MYH9: variants seen among roughly 807,000 people sequenced by gnomAD.
MYH9 encodes the protein myosin heavy chain 9.
A neutral mutation model predicts 241.9 loss-of-function variants in MYH9; 29 were observed. That is an observed-to-expected ratio of 0.12 (90% CI 0.09 to 0.16). MYH9 has a LOEUF of 0.16. Ranked by LOEUF, MYH9 falls within the 10% of genes least tolerant of loss-of-function variation. The pLI is 1.00. For synonymous variants in MYH9, 1,047 were observed against 1,062.6 expected, an observed-to-expected ratio of 0.99 and a Z score of 0.29; for missense variants, 1,803 against 2,595.5, an observed-to-expected ratio of 0.69 and a Z score of 6.63.
chr22:36,296,421 G>A (rs1353556823), intron 25 of MYH9, among the ~76,000 whole-genome samples: 1 of 151,954 alleles, frequency 6.6e-6, no homozygotes, highest in African/African-American at 2.4e-5. Context: ...TTTTGGTAGG[G>A]ATGGGGGTTT....
At chr22:36,337,366 C>T (rs1048834514) in intron 3 of MYH9, among the ~76,000 whole-genome samples, 1 of 152,158 alleles carries the variant, frequency 6.6e-6, no homozygotes, top group Admixed American at 6.6e-5. Flanking sequence ...CTTAGTCTGA[C>T]AATAGGTGAG....
At chr22:36,366,896 T>C (rs927303410) in intron 1 of MYH9, among the ~76,000 whole-genome samples, 19 of 152,150 alleles carry the variant, frequency 1.2e-4, no homozygotes, top group African/African-American at 4.6e-4. Flanking sequence ...ATCCTGATCC[T>C]AACGGCCCCC....
chr22:36,288,367 G>A lies in MYH9; in HGVS notation c.4817C>T (p.Ser1606Leu), dbSNP rs145319741. ...CTTCTTCCGGGCGGCCACTGCCATC[G>A]AGCGCTGCTTCCTCTCGTCCTCCAG... ...AELEDERKQRSMAVAARKKLE... is the reference protein window; with the variant it reads ...AELEDERKQRLMAVAARKKLE... Residue 1606 changes from serine to leucine, a missense_variant, in exon 34 of 41, where the codon TCG becomes TTG. By Grantham distance (145) the Ser-to-Leu change is moderately radical. Around this residue, in one of 11 missense-constraint regions of MYH9, gnomAD observed 876 missense variants for 1,077.8 expected, o/e 0.81. Coordinates refer to ENST00000216181, the MANE Select transcript of MYH9 (RefSeq NM_002473.6). This position sits in a 1 kb window ranked among gnomAD's most constrained non-coding sequence, Gnocchi z 4.8. 3.1e-5 allele frequency: 50 copies of A among 1,613,440 alleles called. No homozygotes were observed. Among genetic ancestry groups the A allele is most frequent in the African/African-American group, 2.3e-4 (17 of 74,920 alleles).
At chr22:36,312,629 A>C (rs1298859821) in intron 13 of MYH9, among the ~76,000 whole-genome samples, 2 of 152,162 alleles carry the variant, frequency 1.3e-5, no homozygotes, top group Non-Finnish European at 2.9e-5. Flanking sequence ...GTCTATGATG[A>C]GATGGGATAT....
chr22:36,321,896 G>GC, intron 6 of MYH9, 75 bp from the exon 7 acceptor site: 5 of 1,273,826 alleles, frequency 3.9e-6, no homozygotes, highest in Non-Finnish European at 4.6e-6. Context: ...GGAGACCACA[G>GC]CCCCCCGCCC....
intron 14 of MYH9, among the ~76,000 whole-genome samples, chr22:36,311,172 G>A (rs1282041798): frequency 6.6e-6 from 1 of 152,202 alleles, no homozygotes; most frequent in East Asian, 1.9e-4. Flanking sequence ...TGTGCAGGAA[G>A]CACACGATAT....
At chr22:36,309,216 T>C in intron 15 of MYH9, 66 bp downstream of exon 15, 1 of 1,359,604 alleles carries the variant, frequency 7.4e-7, no homozygotes. Context: ...CTCGGCCCAC[T>C]GTGGAGGTGG....
rs201021615 is a variant in MYH9, at chr22:36,285,744, G to A, written c.5188C>T (p.Arg1730Cys). 116 of 1,611,792 alleles carry A rather than the reference G, an allele frequency of 7.2e-5. 1 individual carries two copies. The East Asian group carries it at 1.2e-3, about 17-fold the overall frequency. ...ALEEKRRLEA[R>C]IAQLEEELEE... ...AGCTCCTCCTCCAGCTGGGCGATGC[G>A]GGCCTCCAGACGCCGCTTCTCCTCT... Residue 1730 changes from arginine (R) to cysteine (C), a missense_variant, in exon 37 of 41, where the codon CGC becomes TGC. By Grantham distance (180) the Arg-to-Cys change is radical (BLOSUM62 -3). Coordinates refer to ENST00000216181, the MANE Select transcript of MYH9 (RefSeq NM_002473.6). The surrounding 1 kb of genome is among the most constrained non-coding windows in gnomAD (Gnocchi z 7.0).
chr22:36,320,192 C>T lies in MYH9; in HGVS notation c.1012+28G>A, dbSNP rs1274809360. On this transcript the variant is annotated intron_variant, in intron 9 of 40. Coordinates refer to ENST00000216181, the MANE Select transcript of MYH9 (RefSeq NM_002473.6). This position sits in a 1 kb window ranked among gnomAD's most constrained non-coding sequence, Gnocchi z 4.8. ...GGTACCAGCCTTCCTCTGCCCCACA[C>T]TCGACCATAGGAGGGCCAGCCCTGT... is the stretch of plus-strand genomic sequence containing the variant. 1 of 1,613,932 alleles carries T rather than the reference C, an allele frequency of 6.2e-7. No homozygotes were observed. Among genetic ancestry groups the T allele is most frequent in the East Asian group, 2.2e-5 (1 of 44,880 alleles).
At position 36,285,235 on chromosome 22, in the gene MYH9, A is replaced by T. The variant is rs1374075151; in HGVS notation, c.5369T>A (p.Leu1790His). ...CTCCATCTCCTGCAGCTTGACCTTAAGCTCCTTGTTCTGGCGTTCCAGCTG... is the reference window on the plus strand; with the variant it reads ...CTCCATCTCCTGCAGCTTGACCTTATGCTCCTTGTTCTGGCGTTCCAGCTG... ...RQQLERQNKE[L>H]KVKLQEMEGT... is the part of the protein sequence containing the mutation. Residue 1790 changes from leucine (L) to histidine (H), a missense_variant, in exon 38 of 41, where the codon CTT (leucine) becomes CAT (histidine). Leu to His is a moderately conservative substitution (Grantham distance 99). This residue lies in a region of MYH9 where 876 missense variants were observed against 1,077.8 expected (regional missense o/e 0.81). Coordinates refer to ENST00000216181, the MANE Select transcript of MYH9 (RefSeq NM_002473.6). This position sits in a 1 kb window ranked among gnomAD's most constrained non-coding sequence, Gnocchi z 7.0. 1 of 1,614,158 alleles carries T rather than the reference A, an allele frequency of 6.2e-7. No homozygotes were observed.
chr22:36,320,397 A>T lies in MYH9; in HGVS notation c.869-34T>A. The T allele has an allele frequency of 1.2e-6, 2 of 1,608,920 alleles. No individual in the cohort carries two copies. The highest frequency in any genetic ancestry group is 1.7e-6 in the Non-Finnish European group (2 of 1,179,934). On this transcript the variant is annotated intron_variant, in intron 8 of 40. Coordinates refer to ENST00000216181, the MANE Select transcript of MYH9 (RefSeq NM_002473.6). This position sits in a 1 kb window ranked among gnomAD's most constrained non-coding sequence, Gnocchi z 4.8. The stretch of plus-strand genomic sequence containing the variant: ...GGTGGAGGGCAAGGGCGCCTCAGCG[A>T]GGTGCTGAAAGTGGAGGCTCCATCA...
chr22:36,289,851 G>C (rs1362021351), intron 31 of MYH9, among the ~76,000 whole-genome samples: 1 of 152,142 alleles, frequency 6.6e-6, no homozygotes, highest in Non-Finnish European at 1.5e-5. Context: ...TAAAGGGCCA[G>C]ATAGTGCATT....
rs149169068 is a variant in MYH9 at position 36,288,744 on chromosome 22, T to G, written c.4753A>C (p.Lys1585Gln). Reference sequence around the variant, plus strand: ...ATGCACACCTGTCTGACCAGCTGCTTCTTCTTCTCCTCGCTCTGCTCGTCC... The same window carrying G: ...ATGCACACCTGTCTGACCAGCTGCTGCTTCTTCTCCTCGCTCTGCTCGTCC... ...GRDEQSEEKK[K>Q]QLVRQVREME... Residue 1585 changes from lysine to glutamine, a missense_variant, in exon 33 of 41, where the codon AAG (lysine) becomes CAG (glutamine). Physicochemically the swap from Lys to Gln is moderately conservative, Grantham distance 53. Transcript: ENST00000216181. The surrounding 1 kb of genome is among the most constrained non-coding windows in gnomAD (Gnocchi z 4.8). The G allele has an allele frequency of 7.9e-5, 126 of 1,604,722 alleles. No individual in the cohort carries two copies. Among genetic ancestry groups the G allele is most frequent in the Admixed American group, 1.0e-4 (6 of 59,986 alleles).
intron 14 of MYH9, among the ~76,000 whole-genome samples, chr22:36,310,029 C>A (rs1165609549): frequency 6.6e-6 from 1 of 152,090 alleles, no homozygotes; most frequent in South Asian, 2.1e-4. Flanking sequence ...GCGGGTGGAT[C>A]ACCTGAGGTC....
At position 36,318,342 on chromosome 22, in the gene MYH9, A is replaced by G; in HGVS notation, c.1109-17T>C. ...TTTGGGCAGCTAAGATTTTTCAGAG[A>G]ATAAGAGAGGGACAAAAAGTCCTAA... On this transcript the variant is annotated splice_polypyrimidine_tract_variant and intron_variant, in intron 10 of 40. Transcript: ENST00000216181. 2 of 1,591,712 alleles carry G rather than the reference A, an allele frequency of 1.3e-6. No individual in the cohort carries two copies. Among genetic ancestry groups the G allele is most frequent in the Non-Finnish European group, 1.7e-6 (2 of 1,159,692 alleles).
At position 36,330,520 on chromosome 22, in the gene MYH9, C is replaced by T. The variant is rs752870657; in HGVS notation, c.491-3032G>A. On this transcript the variant is annotated intron_variant, in intron 3 of 40. Transcript: ENST00000216181. This position sits in a 1 kb window ranked among gnomAD's most constrained non-coding sequence, Gnocchi z 4.5. ...GCCATCTTTCCACACAGCGGTTCTTCTGGATTTGTTCCTGATCTCAGAGGC... is the reference window on the plus strand; with the variant it reads ...GCCATCTTTCCACACAGCGGTTCTTTTGGATTTGTTCCTGATCTCAGAGGC... 5.3e-5 allele frequency among the ~76,000 whole-genome samples: 8 copies of T among 152,198 alleles called. No individual in the cohort carries two copies. Among genetic ancestry groups the T allele is most frequent in the Non-Finnish European group, 1.0e-4 (7 of 68,024 alleles).
Position 36,320,534 on chromosome 22 carries a change from G to A in MYH9, c.869-171C>T, listed in dbSNP as rs1050439035. 6.6e-6 allele frequency among the ~76,000 whole-genome samples: 1 copy of A among 152,204 alleles called. No homozygotes were observed. Among genetic ancestry groups the A allele is most frequent in the Non-Finnish European group, 1.5e-5 (1 of 68,038 alleles). On this transcript the variant is annotated intron_variant, in intron 8 of 40. Coordinates refer to ENST00000216181, the MANE Select transcript of MYH9 (RefSeq NM_002473.6). This position sits in a 1 kb window ranked among gnomAD's most constrained non-coding sequence, Gnocchi z 4.8. ...AGCTTTCCTCAGTGTCTGAGACTCT[G>A]ACACTCCCGTCTCCTGGCCCAGGAG...
rs771926023 is a variant in MYH9 at position 36,312,065 on chromosome 22, A to C, written c.1712T>G (p.Ile571Ser). 2 of 1,614,144 alleles carry C rather than the reference A, an allele frequency of 1.2e-6. No individual in the cohort carries two copies. The highest frequency in any genetic ancestry group is 1.7e-6 in the Non-Finnish European group (2 of 1,180,018). Residue 571 changes from isoleucine to serine, a missense_variant, in exon 14 of 41, where the codon ATC becomes AGC. This residue lies in a region of MYH9 where 163 missense variants were observed against 349.7 expected (regional missense o/e 0.47). Transcript: ENST00000216181. The stretch of plus-strand genomic sequence containing the variant: ...GCTCCTCACCTTGCCGGCATAGTGG[A>C]TAATGCAGAAATCAGCTTTGTCCTT... Reference protein sequence around the residue: ...QLKDKADFCIIHYAGKVDYKA... With the variant: ...QLKDKADFCISHYAGKVDYKA...
At position 36,295,868 on chromosome 22, in the gene MYH9, T is replaced by G; in HGVS notation, c.3273-151A>C. 1 of 732,016 alleles carries G rather than the reference T, an allele frequency of 1.4e-6. No homozygotes were observed. The highest frequency in any genetic ancestry group is 2.4e-6 in the Non-Finnish European group (1 of 418,008). 45.3% of individuals were successfully genotyped at this position (732,016 alleles called of 1,614,324 possible). ...AGGATGGCTCTCAGCAGAAACAACA[T>G]CTGAGACAACCAGATTGAAGGGCAA... is the stretch of plus-strand genomic sequence containing the variant. On this transcript the variant is annotated intron_variant, in intron 25 of 40. Transcript: ENST00000216181. This position sits in a 1 kb window ranked among gnomAD's most constrained non-coding sequence, Gnocchi z 4.1.
Sources: gnomAD v4.1 joint callset for allele counts (sites outside exome capture counted in the v4.1 genomes callset) on GRCh38, gnomAD v4.1.1 for gene constraint, gnomAD v4.1.1 regional missense constraint, Gnocchi (gnomAD v3.1) non-coding constraint, MANE v1.5 for transcripts, NCBI Gene and HGNC (gene_info 2026-07-23, HGNC 2026-07-21) for gene names.